The following DENND3 variants were observed in gnomAD, a reference collection of about 807,000 sequenced individuals.
DENND3 encodes DENN domain-containing protein 3.
DENND3 carries 88 observed loss-of-function variants against 135.1 expected under a neutral mutation model. The ratio of observed to expected loss-of-function variants is 0.65; its 90% CI spans 0.55 to 0.78. The LOEUF (loss-of-function observed/expected upper bound fraction) is 0.78. DENND3 is among the 30% of genes least tolerant of loss of function. The pLI is 0.00. For missense variants in DENND3, 1,392 were observed against 1,688.4 expected, an observed-to-expected ratio of 0.82 and a Z score of 3.08; for synonymous variants, 693 against 712.3, an observed-to-expected ratio of 0.97 and a Z score of 0.43.
rs373452499 is a variant in DENND3, at chr8:141,128,836, C to T, written c.102+27C>T. 8.8e-6 allele frequency: 12 copies of T among 1,356,148 alleles called. No homozygotes were observed. Among genetic ancestry groups the T allele is most frequent in the East Asian group, 3.1e-5 (1 of 32,446 alleles). 84.0% of individuals were successfully genotyped at this position (1,356,148 alleles called of 1,614,324 possible). A position where few individuals can be genotyped will look rare whatever the true frequency, so the allele number is the denominator to read the frequency against. ...TGAGGGGCGGGGAAACTGAGGCGGA[C>T]GTGGGCCACGAGTCGGCAGCCGGGA... On this transcript the variant is annotated intron_variant, in intron 1 of 22. Transcript: ENST00000519811. The surrounding 1 kb of genome is among the most constrained non-coding windows in gnomAD (Gnocchi z 4.5).
Position 141,150,950 on chromosome 8 carries a change from A to T in DENND3, c.852A>T (p.Leu284=). Residue 284 remains leucine, a synonymous_variant, in exon 6 of 23, where the codon CTA becomes CTT. Transcript: ENST00000519811. ...TGTGCTTCAGGCCTGAGAAGGTGCT[A>T]CAGGTACGCGGCCCCGCCCCGGCGA... ...PLLCFRPEKV[L]QILTCILTEQ... 6.4e-7 allele frequency: 1 copy of T among 1,567,686 alleles called. No individual in the cohort carries two copies. The highest frequency in any genetic ancestry group is 8.6e-7 in the Non-Finnish European group (1 of 1,161,944).
chr8:141,162,899 G>A (rs1198584966), intron 9 of DENND3, among the ~76,000 whole-genome samples: 3 of 152,228 alleles, frequency 2.0e-5, no homozygotes, highest in Non-Finnish European at 2.9e-5. Context: ...GGGCCATAGA[G>A]CAAGACCCCG....
Position 141,165,233 on chromosome 8 carries a change from T to C in DENND3, c.1497T>C (p.Asn499=). 1.9e-6 allele frequency: 3 copies of C among 1,614,094 alleles called. No homozygotes were observed. Among genetic ancestry groups the C allele is most frequent in the Non-Finnish European group, 2.5e-6 (3 of 1,179,980 alleles). The change falls in exon 11 of 23, where the codon AAT becomes AAC. Residue 499 remains asparagine, a synonymous_variant. Coordinates refer to ENST00000519811, the MANE Select transcript of DENND3 (RefSeq NM_001352890.3). ...MFHSFLKARL[N]RRMDAFAQMD... ...ATTCTTTTCTTAAAGCCCGGCTCAA[T>C]AGGAGGATGGACGCCTTTGCTCAGA...
Position 141,174,424 on chromosome 8 carries a change from C to T in DENND3, c.2276-776C>T, listed in dbSNP as rs1250514944. Among the ~76,000 whole-genome samples the T allele has an allele frequency of 6.6e-6, 1 of 152,016 alleles. No individual in the cohort carries two copies. Among genetic ancestry groups the T allele is most frequent in the South Asian group, 2.1e-4 (1 of 4,816 alleles). On this transcript the variant is annotated intron_variant, in intron 13 of 22. Transcript: ENST00000519811. The surrounding 1 kb of genome is among the most constrained non-coding windows in gnomAD (Gnocchi z 4.6). ...GAGGGACACTGGGTGGAGGCAGAGC[C>T]GAGCAGGCAGGCTAGGGGCTTGAGT...
intron 19 of DENND3, among the ~76,000 whole-genome samples, chr8:141,189,841 C>T (rs991071922): frequency 2.6e-5 from 4 of 152,232 alleles, no homozygotes; most frequent in Non-Finnish European, 4.4e-5. Context: ...CCCACAGCCG[C>T]CTGCACCTGC....
At chr8:141,186,388 G>A (rs1233486761) in intron 18 of DENND3, among the ~76,000 whole-genome samples, 2 of 152,162 alleles carry the variant, frequency 1.3e-5, no homozygotes, top group Admixed American at 6.5e-5. Flanking sequence ...GTGTCCACTC[G>A]TCACACATTA....
intron 16 of DENND3, among the ~76,000 whole-genome samples, chr8:141,180,139 C>T (rs549012267): frequency 3.9e-5 from 6 of 152,212 alleles, no homozygotes; most frequent in Non-Finnish European, 8.8e-5. Flanking sequence ...CGATGTTGCA[C>T]CCCCTCACTG....
intron 8 of DENND3, among the ~76,000 whole-genome samples, chr8:141,160,424 C>T (rs1443136900): frequency 6.6e-6 from 1 of 152,190 alleles, no homozygotes; most frequent in Non-Finnish European, 1.5e-5. Context: ...AGGTGATCCA[C>T]CCACCTCGGC....
chr8:141,182,491 T>C lies in DENND3; in HGVS notation c.2944+1637T>C. 4 of 985,200 alleles carry C rather than the reference T, an allele frequency of 4.1e-6. No individual in the cohort carries two copies. Among genetic ancestry groups the C allele is most frequent in the Non-Finnish European group, 4.8e-6 (4 of 829,716 alleles). 61.0% of individuals were successfully genotyped at this position (985,200 alleles called of 1,614,324 possible). On this transcript the variant is annotated intron_variant, in intron 17 of 22. Transcript: ENST00000519811. This position sits in a 1 kb window ranked among gnomAD's most constrained non-coding sequence, Gnocchi z 5.9. ...GACCGTGGCATTTGAATACATGGTA[T>C]TTTTAGGTCCCGGTTGGTTTCCCTG...
At chr8:141,153,515 C>T (rs746684726) in intron 7 of DENND3, among the ~76,000 whole-genome samples, 12 of 152,226 alleles carry the variant, frequency 7.9e-5, no homozygotes, top group African/African-American at 1.9e-4. Context: ...TTTCCCGGAG[C>T]GTTTTAAAGC....
In DENND3 at chr8:141,184,223, G is replaced by A. The variant is rs561910401; in HGVS notation, c.2945-916G>A. ...TGCTGCTAAAATCATTGCTTTTAAT[G>A]TAGTCAGATTCACCAGTCTTTTGCT... is the stretch of plus-strand genomic sequence containing the variant. On this transcript the variant is annotated intron_variant, in intron 17 of 22. Transcript: ENST00000519811. Among the ~76,000 whole-genome samples, 207 of 152,330 alleles carry A rather than the reference G, an allele frequency of 1.4e-3. 2 individuals are homozygous for A. Among genetic ancestry groups the A allele is most frequent in the Non-Finnish European group, 1.2e-3 (81 of 68,026 alleles).
At chr8:141,180,223 C>T (rs1822915960) in intron 16 of DENND3, among the ~76,000 whole-genome samples, 1 of 152,198 alleles carries the variant, frequency 6.6e-6, no homozygotes. Context: ...TCATGATGCT[C>T]CACATCCCAT....
At position 141,166,138 on chromosome 8, in the gene DENND3, C is replaced by T. The variant is rs759732196; in HGVS notation, c.1554-52C>T. On this transcript the variant is annotated intron_variant, in intron 11 of 22. Coordinates refer to ENST00000519811, the MANE Select transcript of DENND3 (RefSeq NM_001352890.3). The surrounding 1 kb of genome is among the most constrained non-coding windows in gnomAD (Gnocchi z 4.3). The stretch of plus-strand genomic sequence containing the variant: ...GAAAAATGCTTAGTTTAGGCTTATT[C>T]TTCAATCATTATTGTGTCTATAAAC... 9.6e-6 allele frequency: 15 copies of T among 1,566,232 alleles called. No homozygotes were observed. Among genetic ancestry groups the T allele is most frequent in the African/African-American group, 1.4e-5 (1 of 74,012 alleles).
At chr8:141,173,058 G>GAGGCA (rs1589665397) in intron 13 of DENND3, among the ~76,000 whole-genome samples, 1 of 152,082 alleles carries the variant, frequency 6.6e-6, no homozygotes, top group Non-Finnish European at 1.5e-5. Flanking sequence ...GGAGGTGGCT[G>GAGGCA]CATTGGGTGC....
chr8:141,157,692 T>C (rs1819610763), intron 8 of DENND3: 1 of 985,900 alleles, frequency 1.0e-6, no homozygotes, highest in South Asian at 4.7e-5. Flanking sequence ...GATTTCTGAC[T>C]CTTACCTTGG....
rs144070935 is a variant in DENND3, at chr8:141,183,397, A to G, written c.2945-1742A>G. ...ATTAGCTGGACTGCAGGTGCACACC[A>G]CTATGCCCAGCCAATTTTTGTATTT... On this transcript the variant is annotated intron_variant, in intron 17 of 22. Transcript: ENST00000519811. Among the ~76,000 whole-genome samples, 1,331 of 148,656 alleles carry G rather than the reference A, an allele frequency of 9.0e-3. 32 individuals are homozygous for G. The highest frequency in any genetic ancestry group is 0.031 in the African/African-American group (1,273 of 40,434).
chr8:141,195,383 C>G lies in DENND3; in HGVS notation c.*1150C>G, dbSNP rs1224006987. The G allele has an allele frequency of 1.3e-5, 2 of 152,270 alleles. No homozygotes were observed. Among genetic ancestry groups the G allele is most frequent in the African/African-American group, 4.8e-5 (2 of 41,460 alleles). The allele number at this position is 152,270 out of a possible 1,614,324, so 9.4% of individuals were successfully genotyped here. A position where few individuals can be genotyped will look rare whatever the true frequency, so the allele number is the denominator to read the frequency against. ...GGACAAAGCCCCGGGGCTGGCGCAT[C>G]CTGAGGGTCTCTGGGGGTGTTTGCC... On this transcript the variant is annotated 3_prime_UTR_variant, in exon 23 of 23. Transcript: ENST00000519811.
chr8:141,173,004 C>T (rs115033257), intron 13 of DENND3, among the ~76,000 whole-genome samples: 1 of 149,462 alleles, frequency 6.7e-6, no homozygotes, highest in Non-Finnish European at 1.5e-5. Context: ...GGCTGAGGCA[C>T]CCCAGTCAGA....
At position 141,166,221 on chromosome 8, in the gene DENND3, C is replaced by A; in HGVS notation, c.1585C>A (p.Pro529Thr). The A allele has an allele frequency of 2.5e-6, 4 of 1,614,208 alleles. No individual in the cohort carries two copies. The highest frequency in any genetic ancestry group is 1.7e-5 in the Admixed American group (1 of 60,036). The change falls in exon 12 of 23, where the codon CCG (proline) becomes ACG (threonine). Residue 529 changes from proline to threonine, a missense_variant. By Grantham distance (38) the Pro-to-Thr change is conservative. Coordinates refer to ENST00000519811, the MANE Select transcript of DENND3 (RefSeq NM_001352890.3). The surrounding 1 kb of genome is among the most constrained non-coding windows in gnomAD (Gnocchi z 4.3). ...INGMLLSPRR[P>T]TVEKRASRKS... is the part of the protein sequence containing the mutation. ...TGGAATGCTTCTAAGTCCAAGGAGA[C>A]CGACCGTTGAGAAAAGAGCCTCCCG...
Sources: gnomAD v4.1 joint callset for allele counts (sites outside exome capture counted in the v4.1 genomes callset) on GRCh38, gnomAD v4.1.1 for gene constraint, Gnocchi (gnomAD v3.1) non-coding constraint, MANE v1.5 for transcripts, NCBI Gene and HGNC (gene_info 2026-07-23, HGNC 2026-07-21) for gene names.